Variants in DNAH17 observed in about 807,000 individuals in gnomAD.
DNAH17 encodes the protein dynein axonemal heavy chain 17, also known as axonemal beta dynein heavy chain 17.
In DNAH17, 376 loss-of-function variants were observed where a neutral mutation model predicts 485.6. The ratio of observed to expected loss-of-function variants is 0.77; its 90% CI spans 0.71 to 0.84. DNAH17 has a LOEUF of 0.84. DNAH17 is among the 40% of genes least tolerant of loss of function. The pLI, the probability that DNAH17 is intolerant of heterozygous loss-of-function variation, is 0.00. For synonymous variants in DNAH17, 3,031 were observed against 2,405.9 expected, an observed-to-expected ratio of 1.26 and a Z score of -7.60; for missense variants, 6,370 against 5,839.3, an observed-to-expected ratio of 1.09 and a Z score of -2.96.
At chr17:78,483,181 G>A (rs1403748341) in intron 48 of DNAH17, among the ~76,000 whole-genome samples, 3 of 152,222 alleles carry the variant, frequency 2.0e-5, no homozygotes. Flanking sequence ...TCCTCAGAGT[G>A]GCAGCTTTGT....
chr17:78,426,161 G>A (rs914238671), intron 79 of DNAH17, among the ~76,000 whole-genome samples: 1 of 152,218 alleles, frequency 6.6e-6, no homozygotes, highest in East Asian at 1.9e-4. Flanking sequence ...AGAGGCTCTT[G>A]CCTTCATTGC....
chr17:78,473,791 T>G (rs893835112), intron 54 of DNAH17, among the ~76,000 whole-genome samples: 2 of 152,108 alleles, frequency 1.3e-5, no homozygotes, highest in African/African-American at 4.8e-5. Flanking sequence ...CCAACGTGAT[T>G]TAGTTAATAG....
intron 67 of DNAH17, 46 bp downstream of exon 67, chr17:78,450,636 C>T (rs1159924095): frequency 4.4e-6 from 7 of 1,586,790 alleles, no homozygotes; most frequent in African/African-American, 1.3e-5. Flanking sequence ...GTGGCCCAGC[C>T]TCCCAAGCCC....
intron 25 of DNAH17, among the ~76,000 whole-genome samples, chr17:78,521,149 T>C (rs2090922820): frequency 1.3e-5 from 2 of 152,238 alleles, no homozygotes; most frequent in African/African-American, 4.8e-5. Flanking sequence ...CTCACGCCTG[T>C]AATCCCAGTA....
chr17:78,487,208 C>T (rs2089650463), intron 44 of DNAH17, among the ~76,000 whole-genome samples: 1 of 152,156 alleles, frequency 6.6e-6, no homozygotes. Flanking sequence ...TCTACCATGG[C>T]CAGCTGCTGC....
chr17:78,438,157 G>A (rs1387006449), intron 73 of DNAH17, among the ~76,000 whole-genome samples: 4 of 151,788 alleles, frequency 2.6e-5, no homozygotes, highest in African/African-American at 4.8e-5. Flanking sequence ...CTGGCATAAG[G>A]CTGAGATTCT....
chr17:78,561,356 C>G (rs2092150188), intron 12 of DNAH17, among the ~76,000 whole-genome samples: 1 of 152,126 alleles, frequency 6.6e-6, no homozygotes, highest in East Asian at 1.9e-4. Flanking sequence ...GCAGCCGTCC[C>G]TGCGTCCACC....
At chr17:78,480,609 G>T in intron 49 of DNAH17, 75 bp downstream of exon 49, 1 of 1,319,044 alleles carries the variant, frequency 7.6e-7, no homozygotes, top group Non-Finnish European at 1.1e-6. Context: ...CTAAACCAAA[G>T]CTTTTCCTCT....
At chr17:78,430,349 T>C (rs1196529210) in intron 75 of DNAH17, among the ~76,000 whole-genome samples, 2 of 152,206 alleles carry the variant, frequency 1.3e-5, no homozygotes, top group African/African-American at 2.4e-5. Flanking sequence ...GTACCCAGCA[T>C]GTGAAATCCT....
At chr17:78,486,571 G>A in intron 44 of DNAH17, 65 bp from the exon 45 acceptor site, 2 of 1,517,240 alleles carry the variant, frequency 1.3e-6, no homozygotes, top group South Asian at 1.3e-5. Flanking sequence ...TCCCTGCCTT[G>A]GTAAACGCCC....
intron 56 of DNAH17, among the ~76,000 whole-genome samples, chr17:78,464,390 G>T (rs770677124): frequency 2.0e-4 from 31 of 152,192 alleles, no homozygotes; most frequent in Non-Finnish European, 1.2e-4. Context: ...CTCTGGAGTA[G>T]CTAGGATTAC....
intron 16 of DNAH17, among the ~76,000 whole-genome samples, chr17:78,549,598 G>C (rs1214836469): frequency 6.6e-6 from 1 of 152,186 alleles, no homozygotes; most frequent in Non-Finnish European, 1.5e-5. Context: ...AATACTTTGT[G>C]GTTTAGTTAA....
At chr17:78,526,453 G>A (rs967086066) in intron 24 of DNAH17, among the ~76,000 whole-genome samples, 198 bp downstream of exon 24, 2 of 152,090 alleles carry the variant, frequency 1.3e-5, no homozygotes, top group African/African-American at 2.4e-5. Context: ...GGGGCTGCTC[G>A]GTTTGCATGT....
At chr17:78,556,170 T>C (rs1235350429) in intron 14 of DNAH17, among the ~76,000 whole-genome samples, 1 of 149,442 alleles carries the variant, frequency 6.7e-6, no homozygotes, top group Non-Finnish European at 1.5e-5. Context: ...ACCTATATAA[T>C]CTATCCATCC....
intron 54 of DNAH17, among the ~76,000 whole-genome samples, chr17:78,470,069 CTT>C (rs34298026): frequency 6.4e-5 from 6 of 93,364 alleles, no homozygotes; most frequent in Admixed American, 1.4e-4. Flanking sequence ...ATGTCTTACT[CTT>C]TTTTTTTTTT....
intron 9 of DNAH17, among the ~76,000 whole-genome samples, 168 bp from the exon 10 acceptor site, chr17:78,567,334 A>G (rs1010345984): frequency 2.6e-5 from 4 of 152,076 alleles, no homozygotes; most frequent in Non-Finnish European, 5.9e-5. Context: ...CTGTTCTTTA[A>G]GCAAATATTC....
chr17:78,572,925 C>A, intron 2 of DNAH17, 31 bp from the exon 3 acceptor site: 1 of 1,595,636 alleles, frequency 6.3e-7, no homozygotes, highest in South Asian at 1.1e-5. Context: ...GGTTCCGCCC[C>A]CTGTGCCTTC....
Position 78,552,758 on chromosome 17 carries a change from T to C in DNAH17, c.2226A>G (p.Glu742=). The C allele has an allele frequency of 6.2e-7, 1 of 1,613,982 alleles. No individual in the cohort carries two copies. Among genetic ancestry groups the C allele is most frequent in the South Asian group, 1.1e-5 (1 of 91,088 alleles). Residue 742 remains glutamate, a synonymous_variant, in exon 15 of 81, where the codon GAA becomes GAG. Coordinates refer to ENST00000389840, the MANE Select transcript of DNAH17 (RefSeq NM_173628.4). Reference sequence around the variant, plus strand: ...ATAACTTGACATCAATTGCTTCCAGTTCTGACTTTATTAGTAGAAATTCTA... The same window carrying C: ...ATAACTTGACATCAATTGCTTCCAGCTCTGACTTTATTAGTAGAAATTCTA... ...KAVEFLLIKS[E]LEAIDVKLLS...
In DNAH17 at chr17:78,434,120, G is replaced by C; in HGVS notation, c.12134C>G (p.Ala4045Gly). The change falls in exon 75 of 81, where the codon GCC becomes GGC. Residue 4045 changes from alanine (A) to glycine (G), a missense_variant. Coordinates refer to ENST00000389840, the MANE Select transcript of DNAH17 (RefSeq NM_173628.4). ...GGGGTACGACCGGTTCCAGCCCTGG[G>C]CGCCGAACTTGCGCCTCTCTGCCAC... ...AVVAERRKFGAQGWNRSYPFN... is the reference protein window; with the variant it reads ...AVVAERRKFGGQGWNRSYPFN... The C allele has an allele frequency of 6.2e-7, 1 of 1,613,686 alleles. No individual in the cohort carries two copies. Among genetic ancestry groups the C allele is most frequent in the Non-Finnish European group, 8.5e-7 (1 of 1,179,850 alleles).
Sources: gnomAD v4.1 joint callset for allele counts (sites outside exome capture counted in the v4.1 genomes callset) on GRCh38, gnomAD v4.1.1 for gene constraint, MANE v1.5 for transcripts, NCBI Gene and HGNC (gene_info 2026-07-23, HGNC 2026-07-21) for gene names.